HSD17B13: variants seen among roughly 807,000 people sequenced by gnomAD.
The protein encoded by HSD17B13 is hydroxysteroid 17-beta dehydrogenase 13, also known as 17-beta-hydroxysteroid dehydrogenase 13.
A neutral mutation model predicts 31.1 loss-of-function variants in HSD17B13; 26 were observed. The ratio of observed to expected loss-of-function variants is 0.84; its 90% CI spans 0.61 to 1.16. The LOEUF is 1.16. Ranked by LOEUF, HSD17B13 falls within the 50% of genes most tolerant of loss-of-function variation. The pLI is 0.00. For missense variants in HSD17B13, 374 were observed against 366.5 expected, an observed-to-expected ratio of 1.02 and a Z score of -0.17; for synonymous variants, 141 against 133.7, an observed-to-expected ratio of 1.05 and a Z score of -0.38.
In HSD17B13 at chr4:87,317,192, A is replaced by G; in HGVS notation, c.350T>C (p.Val117Ala). 6.2e-7 allele frequency: 1 copy of G among 1,614,048 alleles called. No homozygotes were observed. The highest frequency in any genetic ancestry group is 2.2e-5 in the East Asian group (1 of 44,862). Residue 117 changes from valine to alanine, a missense_variant, in exon 3 of 7, where the codon GTG becomes GCG. Val to Ala is a moderately conservative substitution (Grantham distance 64, BLOSUM62 0). Transcript: ENST00000328546. ...ATATACTGTCCCAGCATTATTCACC[A>G]CGATTGTTACATCACCCACTTCTTT... ...VKKEVGDVTI[V>A]VNNAGTVYPA... is the part of the protein sequence containing the mutation.
At position 87,310,288 on chromosome 4, in the gene HSD17B13, A is replaced by G. The variant is rs1214741869; in HGVS notation, c.767T>C (p.Met256Thr). The G allele has an allele frequency of 1.9e-6, 3 of 1,583,794 alleles. No homozygotes were observed. Among genetic ancestry groups the G allele is most frequent in the Non-Finnish European group, 2.6e-6 (3 of 1,168,496 alleles). ...ATTGATATACGATGGAACAAAAATC[A>G]TTTTCTTATTGGTAAGTATTCCATC... Reference protein sequence around the residue: ...LIDGILTNKKMIFVPSYINIF... With the variant: ...LIDGILTNKKTIFVPSYINIF... The change falls in exon 6 of 7, where the codon ATG (methionine) becomes ACG (threonine). Residue 256 changes from methionine to threonine, a missense_variant. Met to Thr is a moderately conservative substitution (Grantham distance 81). Coordinates refer to ENST00000328546, the MANE Select transcript of HSD17B13 (RefSeq NM_178135.5).
intron 3 of HSD17B13, among the ~76,000 whole-genome samples, chr4:87,316,747 A>G (rs1054471202): frequency 5.9e-5 from 9 of 152,142 alleles, no homozygotes; most frequent in Non-Finnish European, 1.0e-4. Context: ...GTGTGGAGGG[A>G]AAAAAATGAA....
chr4:87,320,313 G>C (rs547454816), intron 1 of HSD17B13, among the ~76,000 whole-genome samples: 4 of 151,940 alleles, frequency 2.6e-5, no homozygotes, highest in African/African-American at 7.2e-5. Context: ...TTTGTTTCTA[G>C]GTCAGTAGAG....
chr4:87,313,919 G>A lies in HSD17B13; in HGVS notation c.599C>T (p.Thr200Ile), dbSNP rs750477403. 1.4e-5 allele frequency: 22 copies of A among 1,600,586 alleles called. No homozygotes were observed. Among genetic ancestry groups the A allele is most frequent in the Non-Finnish European group, 1.5e-5 (18 of 1,175,426 alleles). Reference sequence around the variant, plus strand: ...TTTTCCCAAGGCCTGAAGTTCTGATGTCAGACCTCTGTGAAAGCCAACAGC... The same window carrying A: ...TTTTCCCAAGGCCTGAAGTTCTGATATCAGACCTCTGTGAAAGCCAACAGC... ...FAAVGFHRGL[T>I]SELQALGKTG... The change falls in exon 5 of 7, where the codon ACA (threonine) becomes ATA (isoleucine). Residue 200 changes from threonine to isoleucine, a missense_variant. Thr to Ile is a moderately conservative substitution (Grantham distance 89, BLOSUM62 -1). Coordinates refer to ENST00000328546, the MANE Select transcript of HSD17B13 (RefSeq NM_178135.5).
intron 4 of HSD17B13, among the ~76,000 whole-genome samples, chr4:87,315,112 A>G (rs1004094255): frequency 3.9e-5 from 6 of 152,144 alleles, no homozygotes; most frequent in Non-Finnish European, 8.8e-5. Context: ...CACTCCAGCT[A>G]TGACAGGAAA....
intron 1 of HSD17B13, among the ~76,000 whole-genome samples, chr4:87,321,903 C>T (rs73839193): frequency 0.059 from 8,945 of 152,214 alleles, 838 homozygotes; most frequent in African/African-American, 0.2. Flanking sequence ...CACTTCTCTG[C>T]ATATATTTTC....
chr4:87,303,975 G>C lies in HSD17B13; in HGVS notation c.*1243C>G, dbSNP rs1463562531. The C allele has an allele frequency of 6.6e-6, 1 of 151,700 alleles. No homozygotes were observed. Among genetic ancestry groups the C allele is most frequent in the Middle Eastern group, 3.2e-3 (1 of 316 alleles). 9.4% of individuals were successfully genotyped at this position (151,700 alleles called of 1,614,324 possible). A position where few individuals can be genotyped will look rare whatever the true frequency, so the allele number is the denominator to read the frequency against. The stretch of plus-strand genomic sequence containing the variant: ...TACATGTGAAAAACACACAAAACAA[G>C]ATTAGTCTTGATGTAGTGGGAGTCG... On this transcript the variant is annotated 3_prime_UTR_variant, in exon 7 of 7. Transcript: ENST00000328546.
intron 1 of HSD17B13, among the ~76,000 whole-genome samples, chr4:87,320,550 C>G (rs1734762154): frequency 6.6e-6 from 1 of 151,968 alleles, no homozygotes; most frequent in Non-Finnish European, 1.5e-5. Flanking sequence ...CTACGCCTGG[C>G]TAATTTTTTT....
intron 6 of HSD17B13, among the ~76,000 whole-genome samples, chr4:87,308,454 CCTGGCTAACAGGGTGAAACCCCG>C (rs1169455858): frequency 9.4e-4 from 112 of 119,004 alleles, no homozygotes; most frequent in Non-Finnish European, 1.4e-3. Flanking sequence ...TCGAGACCAT[CCTGGCTAACAGGGTGAAACCCCG>C]TCTCTACTAA....
chr4:87,309,427 T>G (rs2110098339), intron 6 of HSD17B13, among the ~76,000 whole-genome samples: 1 of 150,566 alleles, frequency 6.6e-6, no homozygotes, highest in South Asian at 2.1e-4. Context: ...GTGAAATACT[T>G]TGGAATAAAT....
chr4:87,307,393 A>T (rs62305721), intron 6 of HSD17B13, among the ~76,000 whole-genome samples: 1 of 152,098 alleles, frequency 6.6e-6, no homozygotes, highest in Non-Finnish European at 1.5e-5. Context: ...TATGCATGTA[A>T]TTTTCAATAT....
rs758702940 is a variant in HSD17B13 at position 87,318,428 on chromosome 4, C to T, written c.219G>A (p.Val73=). The change falls in exon 2 of 7, where the codon GTG becomes GTA. Residue 73 remains valine (V), a synonymous_variant. Transcript: ENST00000328546. ...TTCGGCACTCAGCTGCAGTTTCCTC[C>T]ACACCGCGCTGTAATTAGGAAGAAA... ...LVLWDINKRG[V]EETAAECRKL... is the part of the protein sequence containing the mutation. 1.9e-6 allele frequency: 3 copies of T among 1,613,776 alleles called. No individual in the cohort carries two copies. In the East Asian group the frequency reaches 6.7e-5, roughly 36 times the overall value.
intron 6 of HSD17B13, 64 bp downstream of exon 6, chr4:87,310,179 A>C: frequency 7.0e-7 from 1 of 1,432,136 alleles, no homozygotes; most frequent in Non-Finnish European, 9.1e-7. Context: ...GTCTAAAAAA[A>C]AAAAAAGCAA....
intron 6 of HSD17B13, among the ~76,000 whole-genome samples, chr4:87,307,144 A>C (rs904558919): frequency 6.6e-6 from 1 of 151,990 alleles, no homozygotes; most frequent in African/African-American, 2.4e-5. Context: ...GGGCCTTTTA[A>C]CTACCCTCAC....
intron 2 of HSD17B13, among the ~76,000 whole-genome samples, chr4:87,317,980 G>A (rs374382689): frequency 2.6e-5 from 4 of 152,188 alleles, no homozygotes; most frequent in African/African-American, 9.6e-5. Flanking sequence ...TCTCACAAGG[G>A]AAATAATTAA....
At chr4:87,307,844 C>T (rs1298351351) in intron 6 of HSD17B13, among the ~76,000 whole-genome samples, 1 of 152,130 alleles carries the variant, frequency 6.6e-6, no homozygotes, top group Non-Finnish European at 1.5e-5. Context: ...CAAGGTTCTC[C>T]TTATGTTATC....
Position 87,313,892 on chromosome 4 carries a change from G to GC in HSD17B13, c.625_626insG (p.Thr209SerfsTer33). The GC allele has an allele frequency of 1.2e-6, 2 of 1,610,018 alleles. No homozygotes were observed. Among genetic ancestry groups the GC allele is most frequent in the Non-Finnish European group, 8.5e-7 (1 of 1,178,518 alleles). On this transcript the variant is annotated frameshift_variant, in exon 5 of 7. Coordinates refer to ENST00000328546, the MANE Select transcript of HSD17B13 (RefSeq NM_178135.5). LOFTEE classifies it high-confidence loss of function. ...GCAGAGACATGAGGTTTTGATACCA[G>GC]TTTTTCCCAAGGCCTGAAGTTCTGA...
At chr4:87,314,795 G>T (rs1200299793) in intron 4 of HSD17B13, among the ~76,000 whole-genome samples, 8 of 152,156 alleles carry the variant, frequency 5.3e-5, no homozygotes, top group Non-Finnish European at 1.0e-4. Context: ...TTGCTTCTCA[G>T]TCTGTGGGGT....
chr4:87,317,994 G>A (rs906935015), intron 2 of HSD17B13, among the ~76,000 whole-genome samples: 4 of 152,096 alleles, frequency 2.6e-5, no homozygotes, highest in Non-Finnish European at 5.9e-5. Flanking sequence ...TAATTAAAGA[G>A]AAGCTGGAAT....
Sources: allele counts gnomAD v4.1 joint callset (sites outside exome capture counted in the v4.1 genomes callset), GRCh38; gene constraint gnomAD v4.1.1; transcripts MANE v1.5; gene names NCBI Gene and HGNC (gene_info 2026-07-23, HGNC 2026-07-21).